PRKAA2: variants seen among roughly 807,000 people sequenced by gnomAD.
PRKAA2 encodes the protein protein kinase AMP-activated catalytic subunit alpha 2.
PRKAA2 carries 40 observed loss-of-function variants against 56.3 expected under a neutral mutation model. That is an observed-to-expected ratio of 0.71 (90% confidence interval 0.55 to 0.92). PRKAA2 has a LOEUF of 0.92. Ranked by LOEUF, PRKAA2 falls within the 40% of genes least tolerant of loss-of-function variation. The probability of loss-of-function intolerance (pLI) is 0.00; values close to 1 mark genes in which losing one functional copy is unlikely to be tolerated. For synonymous variants in PRKAA2, 214 were observed against 234.2 expected (o/e 0.91, Z 0.79); for missense variants, 542 against 686.9 (o/e 0.79, Z 2.36).
chr1:56,680,741 C>T (rs995595200), intron 2 of PRKAA2, among the ~76,000 whole-genome samples: 2 of 152,182 alleles, frequency 1.3e-5, no homozygotes, highest in Non-Finnish European at 2.9e-5. Flanking sequence ...GCCACATTTT[C>T]TTAATCCAGT....
chr1:56,653,271 T>A (rs980554427), intron 1 of PRKAA2, among the ~76,000 whole-genome samples: 6 of 149,658 alleles, frequency 4.0e-5, no homozygotes, highest in African/African-American at 7.3e-5. Context: ...TAGATATATA[T>A]AATATATATA....
chr1:56,649,040 A>G (rs566959453), intron 1 of PRKAA2, among the ~76,000 whole-genome samples: 2 of 152,270 alleles, frequency 1.3e-5, no homozygotes, highest in African/African-American at 4.8e-5. Flanking sequence ...GAAGTATAAA[A>G]GTTTTGAATT....
chr1:56,702,017 G>A (rs932752857), intron 6 of PRKAA2, among the ~76,000 whole-genome samples: 2 of 151,992 alleles, frequency 1.3e-5, no homozygotes, highest in African/African-American at 2.4e-5. Flanking sequence ...ATATCCTCAG[G>A]GCCTGGCACA....
chr1:56,672,920 A>G (rs912518897), intron 1 of PRKAA2, among the ~76,000 whole-genome samples: 2 of 152,168 alleles, frequency 1.3e-5, no homozygotes, highest in African/African-American at 4.8e-5. Context: ...ATACAGGATC[A>G]ATGGAAAAGT....
intron 1 of PRKAA2, among the ~76,000 whole-genome samples, chr1:56,670,577 C>T (rs984870631): frequency 7.2e-5 from 11 of 152,122 alleles, no homozygotes; most frequent in African/African-American, 2.7e-4. Flanking sequence ...AGGCTGTACG[C>T]TGGGTAGCCA....
At chr1:56,679,893 T>C (rs965433874) in intron 2 of PRKAA2, among the ~76,000 whole-genome samples, 4 of 152,190 alleles carry the variant, frequency 2.6e-5, no homozygotes, top group Admixed American at 6.5e-5. Context: ...AAGACCTTGA[T>C]GGTGATCCAT....
chr1:56,695,826 C>T, intron 5 of PRKAA2, 109 bp from the exon 6 acceptor site: 4 of 963,314 alleles, frequency 4.2e-6, no homozygotes, highest in Non-Finnish European at 6.3e-6. Flanking sequence ...CATTAAAGAC[C>T]TTGGAAATGA....
At chr1:56,680,381 T>C (rs1019582489) in intron 2 of PRKAA2, among the ~76,000 whole-genome samples, 2 of 152,148 alleles carry the variant, frequency 1.3e-5, no homozygotes, top group Non-Finnish European at 2.9e-5. Context: ...TATTATACTT[T>C]AAGTTCTAGG....
chr1:56,707,377 A>G, intron 8 of PRKAA2, 98 bp from the exon 9 acceptor site: 1 of 977,298 alleles, frequency 1.0e-6, no homozygotes. Flanking sequence ...GCCCTTGCTC[A>G]GATGTGTTTA....
intron 1 of PRKAA2, among the ~76,000 whole-genome samples, chr1:56,646,579 TAGAG>T (rs1483588709): frequency 6.6e-6 from 1 of 152,236 alleles, no homozygotes; most frequent in Admixed American, 6.5e-5. Context: ...CTCTCCAGAA[TAGAG>T]ACAGTTGTTT....
At chr1:56,678,500 A>G (rs575311825) in intron 2 of PRKAA2, among the ~76,000 whole-genome samples, 16 of 152,338 alleles carry the variant, frequency 1.1e-4, no homozygotes, top group Non-Finnish European at 1.8e-4. Flanking sequence ...ATTACAAATG[A>G]ATGACCTAAA....
chr1:56,692,251 C>T, intron 3 of PRKAA2, 107 bp from the exon 4 acceptor site: 1 of 1,367,090 alleles, frequency 7.3e-7, no homozygotes. Context: ...AGGCTGGTCT[C>T]AAACTCCTGA....
intron 2 of PRKAA2, 98 bp downstream of exon 2, chr1:56,674,620 G>T: frequency 4.5e-6 from 5 of 1,115,842 alleles, no homozygotes; most frequent in East Asian, 2.8e-5. Flanking sequence ...CTTTTACAAA[G>T]ATTTTTTTTC....
In PRKAA2 at chr1:56,645,479, A is replaced by T; in HGVS notation, c.92A>T (p.Lys31Met). ...GGCGTCGGCACCTTCGGCAAAGTGAAGAGTTGAGTACGCGCTCCGGACCGC... is the reference window on the plus strand; with the variant it reads ...GGCGTCGGCACCTTCGGCAAAGTGATGAGTTGAGTACGCGCTCCGGACCGC... The part of the protein sequence containing the change: ...TLGVGTFGKV[K>M]IGEHQLTGHK... The change falls in exon 1 of 9, where the codon AAG (lysine) becomes ATG (methionine). Residue 31 changes from lysine to methionine, a missense_variant and splice_region_variant. Lys to Met is a moderately conservative substitution (Grantham distance 95). Coordinates refer to ENST00000371244, the MANE Select transcript of PRKAA2 (RefSeq NM_006252.4). 1 of 1,487,672 alleles carries T rather than the reference A, an allele frequency of 6.7e-7. No homozygotes were observed. 92.2% of individuals were successfully genotyped at this position (1,487,672 alleles called of 1,614,324 possible). A position where few individuals can be genotyped will look rare whatever the true frequency, so the allele number is the denominator to read the frequency against.
rs1424900373 is a variant in PRKAA2 at position 56,658,597 on chromosome 1, C to CT, written c.94+13116_94+13117insT. 2.7e-4 allele frequency among the ~76,000 whole-genome samples: 39 copies of CT among 144,376 alleles called. 3 individuals carry two copies. The highest frequency in any genetic ancestry group is 9.3e-4 in the African/African-American group (37 of 39,728). 94.7% of individuals were successfully genotyped at this position (144,376 alleles called of 152,430 possible). ...TGTTTTTTTTTTTCTTCCCCCCCCCCGCCATTTTTTGTTTGTTTGTTTGTT... is the reference window on the plus strand; with the variant it reads ...TGTTTTTTTTTTTCTTCCCCCCCCCCTGCCATTTTTTGTTTGTTTGTTTGTT... On this transcript the variant is annotated intron_variant, in intron 1 of 8. Coordinates refer to ENST00000371244, the MANE Select transcript of PRKAA2 (RefSeq NM_006252.4).
chr1:56,684,690 C>T (rs1054081022), intron 2 of PRKAA2, among the ~76,000 whole-genome samples: 4 of 151,974 alleles, frequency 2.6e-5, no homozygotes, highest in Non-Finnish European at 4.4e-5. Flanking sequence ...GATTTGGCAA[C>T]GTGGAGGTTG....
chr1:56,657,744 AAATG>A (rs1643957720), intron 1 of PRKAA2, among the ~76,000 whole-genome samples: 1 of 152,202 alleles, frequency 6.6e-6, no homozygotes, highest in African/African-American at 2.4e-5. Context: ...CAAAATAAAT[AAATG>A]AATGAAAGAA....
intron 6 of PRKAA2, among the ~76,000 whole-genome samples, chr1:56,698,975 G>T (rs1644276483): frequency 6.6e-6 from 1 of 152,110 alleles, no homozygotes; most frequent in African/African-American, 2.4e-5. Context: ...AAAGTGAGCG[G>T]TCTGAAGTTC....
chr1:56,658,169 A>G (rs553781081), intron 1 of PRKAA2, among the ~76,000 whole-genome samples: 1 of 152,354 alleles, frequency 6.6e-6, no homozygotes, highest in South Asian at 2.1e-4. Context: ...AGAGAAAAAA[A>G]CACAGATCAT....
Sources: allele counts gnomAD v4.1 joint callset (sites outside exome capture counted in the v4.1 genomes callset), GRCh38; gene constraint gnomAD v4.1.1; transcripts MANE v1.5; gene names NCBI Gene and HGNC (gene_info 2026-07-23, HGNC 2026-07-21).